Variants in TMEM272 observed in about 807,000 individuals in gnomAD.
TMEM272 encodes long intergenic non-protein coding RNA 282.
TMEM272 carries 8 observed loss-of-function variants against 3.7 expected under a neutral mutation model. The observed-to-expected ratio is 2.17, with a 90% confidence interval of 1.27 to 3.91. The LOEUF is 3.91. TMEM272 is among the 30% of genes most tolerant of loss of function. The probability of loss-of-function intolerance (pLI) is 0.00; values close to 1 mark genes in which losing one functional copy is unlikely to be tolerated. For missense variants in TMEM272, 166 were observed against 91.5 expected (o/e 1.81, Z -3.32); for synonymous variants, 63 against 39.8 (o/e 1.58, Z -2.20).
chr13:51,846,370 G>A (rs139285297), upstream of TMEM272, among the ~76,000 whole-genome samples: 179 of 152,344 alleles, frequency 1.2e-3, 2 homozygotes, highest in Middle Eastern at 6.8e-3. Flanking sequence ...CAGTCATAAT[G>A]TTGTAGTGCA....
chr13:51,915,137 T>A, the TMEM272 span, among the ~76,000 whole-genome samples: 1 of 152,226 alleles, frequency 6.6e-6, no homozygotes, highest in Non-Finnish European at 1.5e-5. Context: ...TATCAACCAA[T>A]ACACTTCTGC....
In TMEM272 at chr13:51,813,467, A is replaced by G. The variant is rs1242097708; in HGVS notation, c.*3284T>C. On this transcript the variant is annotated 3_prime_UTR_variant, in exon 5 of 5. Coordinates refer to ENST00000629372, the MANE Select transcript of TMEM272 (RefSeq NM_001351003.2). ...ACTTGGCCACTTCTCATACTAAAAG[A>G]GAAGGAAATAACACGAAGTACTGGA... is the stretch of plus-strand genomic sequence containing the variant. 1 of 390,772 alleles carries G rather than the reference A, an allele frequency of 2.6e-6. No homozygotes were observed. The highest frequency in any genetic ancestry group is 4.5e-6 in the Non-Finnish European group (1 of 221,834). 24.2% of individuals were successfully genotyped at this position (390,772 alleles called of 1,614,324 possible).
At chr13:51,828,636 T>C (rs978153128) in intron 2 of TMEM272, among the ~76,000 whole-genome samples, 13 of 152,096 alleles carry the variant, frequency 8.5e-5, no homozygotes, top group African/African-American at 3.1e-4. Context: ...GCATCTGGTT[T>C]GACGCTCTTC....
chr13:51,871,703 T>C, the TMEM272 span, among the ~76,000 whole-genome samples: 1 of 151,720 alleles, frequency 6.6e-6, no homozygotes, highest in Non-Finnish European at 1.5e-5. Flanking sequence ...TCACAGAAAT[T>C]GTGAAATAAT....
the TMEM272 span, among the ~76,000 whole-genome samples, chr13:51,926,605 T>C: frequency 1.4e-4 from 1 of 7,124 alleles, no homozygotes; most frequent in Non-Finnish European, 2.6e-4. Context: ...CCCTTCATGG[T>C]TGGGGGTGGG....
the TMEM272 span, chr13:51,933,960 C>T: frequency 2.6e-5 from 4 of 152,294 alleles, no homozygotes; most frequent in African/African-American, 9.7e-5. Flanking sequence ...TCCAGCTGGT[C>T]AGCAACAACA....
chr13:51,822,242 G>A, intron 3 of TMEM272, 105 bp from the exon 4 acceptor site: 1 of 615,994 alleles, frequency 1.6e-6, no homozygotes, highest in Non-Finnish European at 2.9e-6. Flanking sequence ...TGTTAATCAT[G>A]CAAACCATAT....
At chr13:51,869,807 G>A in the TMEM272 span, among the ~76,000 whole-genome samples, 1 of 152,084 alleles carries the variant, frequency 6.6e-6, no homozygotes, top group Non-Finnish European at 1.5e-5. Context: ...TAATTAAGAT[G>A]TTCCATTCCC....
chr13:51,851,243 A>G, the TMEM272 span, among the ~76,000 whole-genome samples: 3 of 151,970 alleles, frequency 2.0e-5, no homozygotes, highest in African/African-American at 4.8e-5. Context: ...CTGAGGTGGG[A>G]GGATCACTTG....
At chr13:51,923,406 T>C in the TMEM272 span, among the ~76,000 whole-genome samples, 3 of 151,990 alleles carry the variant, frequency 2.0e-5, no homozygotes, top group Non-Finnish European at 2.9e-5. Flanking sequence ...GGGGAGGCGA[T>C]GGAATGGGTG....
chr13:51,931,868 T>C, the TMEM272 span, among the ~76,000 whole-genome samples: 1 of 152,024 alleles, frequency 6.6e-6, no homozygotes, highest in Non-Finnish European at 1.5e-5. Flanking sequence ...ATCACCTCAA[T>C]GATTCTACAG....
the TMEM272 span, chr13:51,909,856 C>T: frequency 6.3e-6 from 10 of 1,592,492 alleles, no homozygotes; most frequent in Middle Eastern, 1.7e-4. Context: ...TCATTTAGAA[C>T]TTGTTCTGCG....
At chr13:51,890,848 A>G in the TMEM272 span, among the ~76,000 whole-genome samples, 1 of 152,196 alleles carries the variant, frequency 6.6e-6, no homozygotes, top group African/African-American at 2.4e-5. Context: ...TCGTCTGCTC[A>G]GCTCATCTTT....
chr13:51,896,329 A>G, the TMEM272 span, among the ~76,000 whole-genome samples: 1 of 150,522 alleles, frequency 6.6e-6, no homozygotes, highest in East Asian at 1.9e-4. Flanking sequence ...GTGTGTGTGT[A>G]TGAGAGAGAC....
the TMEM272 span, among the ~76,000 whole-genome samples, chr13:51,876,806 T>C: frequency 3.3e-5 from 5 of 152,334 alleles, no homozygotes; most frequent in African/African-American, 2.4e-5. Flanking sequence ...AACTATCTTA[T>C]AGGAGGTGAG....
the TMEM272 span, chr13:51,908,773 G>A: frequency 6.9e-7 from 1 of 1,449,408 alleles, no homozygotes. Context: ...CTTTGTGGAG[G>A]AAGAGCTGAA....
chr13:51,873,568 A>C, the TMEM272 span, among the ~76,000 whole-genome samples: 2 of 152,192 alleles, frequency 1.3e-5, no homozygotes, highest in Non-Finnish European at 2.9e-5. Context: ...GTTCTGCCCC[A>C]TCCTTCTGCT....
the TMEM272 span, chr13:51,866,114 C>T: frequency 2.0e-6 from 3 of 1,514,060 alleles, no homozygotes; most frequent in African/African-American, 1.4e-5. Context: ...GTGGTCCAGA[C>T]TCCCCTGGGT....
At chr13:51,874,707 G>A in the TMEM272 span, among the ~76,000 whole-genome samples, 2 of 152,118 alleles carry the variant, frequency 1.3e-5, no homozygotes, top group Admixed American at 6.5e-5. Flanking sequence ...TGAGTCATAC[G>A]GGTGAATTCT....
Sources: gnomAD v4.1 joint callset for allele counts (sites outside exome capture counted in the v4.1 genomes callset) on GRCh38, gnomAD v4.1.1 for gene constraint, MANE v1.5 for transcripts, NCBI Gene and HGNC (gene_info 2026-07-23, HGNC 2026-07-21) for gene names.